FER: variants seen among roughly 807,000 people sequenced by gnomAD.
FER encodes FER tyrosine kinase, also known as tyrosine-protein kinase Fer.
Under a neutral mutation model 111.0 loss-of-function variants are expected in FER, and 63 were observed. The ratio of observed to expected loss-of-function variants is 0.57; its 90% CI spans 0.46 to 0.70. The LOEUF is 0.70. FER is among the 30% of genes least tolerant of loss of function. The pLI, the probability that FER is intolerant of heterozygous loss-of-function variation, is 0.00. For missense variants in FER, 914 were observed against 954.0 expected (o/e 0.96, Z 0.55); for synonymous variants, 327 against 313.9 (o/e 1.04, Z -0.44).
At chr5:108,943,912 T>G (rs1381911694) in intron 10 of FER, among the ~76,000 whole-genome samples, 1 of 152,040 alleles carries the variant, frequency 6.6e-6, no homozygotes, top group Admixed American at 6.6e-5. Flanking sequence ...TTTTAAAAAC[T>G]TTGTAGAGAT....
intron 17 of FER, among the ~76,000 whole-genome samples, chr5:109,108,704 A>T (rs562391062): frequency 7.2e-5 from 11 of 152,276 alleles, no homozygotes; most frequent in African/African-American, 2.6e-4. Context: ...GTCAAACCTG[A>T]TTTATGATAA....
chr5:109,132,808 C>A (rs1049382896), intron 17 of FER, among the ~76,000 whole-genome samples: 10 of 152,274 alleles, frequency 6.6e-5, no homozygotes, highest in Admixed American at 6.5e-4. Context: ...ACTGTCACAT[C>A]ATCTGAGCCC....
chr5:109,010,555 G>A (rs1561767883), intron 13 of FER, among the ~76,000 whole-genome samples: 1 of 151,980 alleles, frequency 6.6e-6, no homozygotes, highest in African/African-American at 2.4e-5. Context: ...TCAACACCTG[G>A]ATCTCCTGTG....
intron 2 of FER, among the ~76,000 whole-genome samples, chr5:108,794,526 A>ACCCCCCCCCCCCCCCCCCCCCCCCCC (rs138716410): frequency 9.4e-6 from 1 of 106,354 alleles, no homozygotes; most frequent in African/African-American, 3.8e-5. Flanking sequence ...CCCCCTCCGC[A>ACCCCCCCCCCCCCCCCCCCCCCCCCC]CCCCCCCCCC....
At chr5:109,059,360 TAAA>T (rs569822598) in intron 16 of FER, among the ~76,000 whole-genome samples, 3 of 136,260 alleles carry the variant, frequency 2.2e-5, no homozygotes, top group Non-Finnish European at 1.6e-5. Context: ...CTGCCTCTAC[TAAA>T]AAAAAAAAAA....
rs147849707 is a variant in FER, at chr5:109,037,147, A to G, written c.1657-275A>G. ...AACATAAACTTTATGGTTGGTGGAA[A>G]GTACATGCTGTGCTCTAATTACAGA... is the stretch of plus-strand genomic sequence containing the variant. On this transcript the variant is annotated intron_variant, in intron 13 of 19. Coordinates refer to ENST00000281092, the MANE Select transcript of FER (RefSeq NM_005246.4). Among the ~76,000 whole-genome samples the G allele has an allele frequency of 5.9e-3, 904 of 152,194 alleles. 6 individuals carry two copies. Among genetic ancestry groups the G allele is most frequent in the African/African-American group, 0.021 (865 of 41,556 alleles).
chr5:108,912,891 G>A (rs942429293), intron 10 of FER, among the ~76,000 whole-genome samples: 3 of 152,164 alleles, frequency 2.0e-5, no homozygotes, highest in Non-Finnish European at 4.4e-5. Flanking sequence ...ATTCTGACTG[G>A]TAAGTTCCAA....
chr5:109,054,895 A>T (rs1352079014), intron 16 of FER, among the ~76,000 whole-genome samples: 3 of 152,138 alleles, frequency 2.0e-5, no homozygotes, highest in African/African-American at 7.2e-5. Flanking sequence ...TCAGTTTTTC[A>T]TACTTATATG....
At chr5:108,813,959 G>A (rs1758017951) in intron 3 of FER, among the ~76,000 whole-genome samples, 1 of 152,028 alleles carries the variant, frequency 6.6e-6, no homozygotes, top group Admixed American at 6.6e-5. Context: ...TCAAGTAGTT[G>A]GGCCATTTCC....
At chr5:109,043,119 G>A (rs998622178) in intron 14 of FER, among the ~76,000 whole-genome samples, 1 of 152,186 alleles carries the variant, frequency 6.6e-6, no homozygotes, top group African/African-American at 2.4e-5. Context: ...GGGTCTGAAT[G>A]CTTACAAGGC....
chr5:108,954,135 C>T (rs1368108289), intron 11 of FER, among the ~76,000 whole-genome samples: 1 of 152,046 alleles, frequency 6.6e-6, no homozygotes, highest in East Asian at 1.9e-4. Flanking sequence ...TGCTATTTCT[C>T]CTAGGGCTTT....
chr5:108,857,461 G>A (rs529830412), intron 5 of FER, among the ~76,000 whole-genome samples: 1 of 152,106 alleles, frequency 6.6e-6, no homozygotes, highest in East Asian at 1.9e-4. Flanking sequence ...GAGTAAGGTG[G>A]TATACGCTTG....
intron 12 of FER, among the ~76,000 whole-genome samples, chr5:108,957,338 G>C (rs569113142): frequency 6.6e-6 from 1 of 151,462 alleles, no homozygotes; most frequent in African/African-American, 2.4e-5. Flanking sequence ...TGGCCAGTAG[G>C]TATTATGAAA....
chr5:109,146,251 C>CT (rs1561953672), intron 17 of FER, among the ~76,000 whole-genome samples: 7 of 43,146 alleles, frequency 1.6e-4, no homozygotes, highest in Admixed American at 2.4e-4. Context: ...TATAATCTAT[C>CT]TAATATATAT....
rs141785399 is a variant in FER at position 108,785,269 on chromosome 5, C to T, written c.-59-12855C>T. On this transcript the variant is annotated intron_variant, in intron 2 of 19. Transcript: ENST00000281092. ...GCCAGGCCATGCTGTGGGATCTCAA[C>T]GAAGGCAAACACCTTTATATGCCAG... is the stretch of plus-strand genomic sequence containing the variant. The T allele has an allele frequency of 1.5e-4, 81 of 550,458 alleles. No individual in the cohort carries two copies. In the East Asian group the frequency reaches 2.8e-3, roughly 19 times the overall value. 34.1% of individuals were successfully genotyped at this position (550,458 alleles called of 1,614,324 possible).
chr5:108,864,398 A>C (rs976575987), intron 5 of FER, among the ~76,000 whole-genome samples: 3 of 152,074 alleles, frequency 2.0e-5, no homozygotes, highest in Non-Finnish European at 1.5e-5. Flanking sequence ...TGAGGTCTGA[A>C]ATTGTCCCTC....
At chr5:108,807,872 A>G (rs1456773928) in intron 3 of FER, among the ~76,000 whole-genome samples, 1 of 151,374 alleles carries the variant, frequency 6.6e-6, no homozygotes, top group Non-Finnish European at 1.5e-5. Flanking sequence ...TTCATTGTTT[A>G]CCCACAAGTC....
At chr5:108,804,722 T>G (rs527352441) in intron 3 of FER, among the ~76,000 whole-genome samples, 1 of 152,334 alleles carries the variant, frequency 6.6e-6, no homozygotes, top group South Asian at 2.1e-4. Flanking sequence ...GATGTGTTGC[T>G]TGATTCAGTT....
In FER at chr5:108,851,108, A is replaced by G. The variant is rs138972998; in HGVS notation, c.481+15301A>G. ...GGCTCACCATTTCCTCAACTTGTTC[A>G]TGTTGTAGATAATATACATCATTGT... On this transcript the variant is annotated intron_variant, in intron 5 of 19. Transcript: ENST00000281092. 5.4e-3 allele frequency among the ~76,000 whole-genome samples: 828 copies of G among 152,312 alleles called. 6 individuals are homozygous for G. The highest frequency in any genetic ancestry group is 0.014 in the Middle Eastern group (4 of 294).
Sources: allele counts gnomAD v4.1 joint callset (sites outside exome capture counted in the v4.1 genomes callset), GRCh38; gene constraint gnomAD v4.1.1; transcripts MANE v1.5; gene names NCBI Gene and HGNC (gene_info 2026-07-23, HGNC 2026-07-21).